The following ARVCF variants were observed in gnomAD, a reference collection of about 807,000 sequenced individuals.
ARVCF encodes splicing regulator ARVCF.
In ARVCF, 66 loss-of-function variants were observed where a neutral mutation model predicts 90.9. The ratio of observed to expected loss-of-function variants is 0.73; its 90% CI spans 0.60 to 0.89. ARVCF has a LOEUF of 0.89. Ranked by LOEUF, ARVCF falls within the 40% of genes least tolerant of loss-of-function variation. ARVCF has a pLI of 0.00. For missense variants in ARVCF, 1,469 were observed against 1,382.3 expected (o/e 1.06, Z -1.00); for synonymous variants, 653 against 603.4 (o/e 1.08, Z -1.21).
intron 3 of ARVCF, among the ~76,000 whole-genome samples, chr22:19,990,330 G>A (rs1170185380): frequency 1.3e-5 from 2 of 152,202 alleles, no homozygotes; most frequent in Non-Finnish European, 2.9e-5. Context: ...ACCCCATCCA[G>A]CTGCCTGGGC....
intron 1 of ARVCF, among the ~76,000 whole-genome samples, chr22:20,012,475 A>C (rs1022141295): frequency 6.6e-6 from 1 of 152,250 alleles, no homozygotes; most frequent in South Asian, 2.1e-4. Context: ...TGATAGGATC[A>C]TATGGGAAGG....
chr22:19,973,941 T>C lies in ARVCF; in HGVS notation c.2089-148A>G, dbSNP rs939093855. ...AGCTCAACGGCACCTCCACCGAGGT[T>C]TTCCCACCGTCCAGGGTGCACGCAT... On this transcript the variant is annotated intron_variant, in intron 12 of 19. Coordinates refer to ENST00000263207, the MANE Select transcript of ARVCF (RefSeq NM_001670.3). The C allele has an allele frequency of 9.5e-6, 14 of 1,477,226 alleles. No individual in the cohort carries two copies. In the Admixed American group the frequency reaches 1.9e-4, roughly 20 times the overall value. The allele number at this position is 1,477,226 out of a possible 1,614,324, so 91.5% of individuals were successfully genotyped here.
Position 19,978,958 on chromosome 22 carries a change from C to A in ARVCF, c.1519G>T (p.Asp507Tyr). The change falls in exon 7 of 20, where the codon GAC (aspartate) becomes TAC (tyrosine). Residue 507 changes from aspartate to tyrosine, a missense_variant. By Grantham distance (160) the Asp-to-Tyr change is radical. Coordinates refer to ENST00000263207, the MANE Select transcript of ARVCF (RefSeq NM_001670.3). ...HSGWEREPNEDSKPRDAEWTT... is the reference protein window; with the variant it reads ...HSGWEREPNEYSKPRDAEWTT... ...CACTCGGCGTCCCGTGGCTTGGAGT[C>A]CTCGTTGGGCTCACGCTCCCATCCT... 6.2e-7 allele frequency: 1 copy of A among 1,613,298 alleles called. No individual in the cohort carries two copies. Among genetic ancestry groups the A allele is most frequent in the Admixed American group, 1.7e-5 (1 of 60,018 alleles).
At chr22:20,008,716 G>A (rs543307820) in intron 2 of ARVCF, among the ~76,000 whole-genome samples, 12 of 152,328 alleles carry the variant, frequency 7.9e-5, no homozygotes, top group African/African-American at 2.9e-4. Flanking sequence ...CCGCAAGCCA[G>A]AGCCCAGGTT....
chr22:19,984,405 C>T (rs944635284), intron 3 of ARVCF, among the ~76,000 whole-genome samples: 2 of 152,140 alleles, frequency 1.3e-5, no homozygotes, highest in Non-Finnish European at 2.9e-5. Flanking sequence ...CACCCATCAG[C>T]CCCGGCCTAG....
chr22:19,982,314 G>A (rs1195603372), intron 3 of ARVCF, among the ~76,000 whole-genome samples: 5 of 152,188 alleles, frequency 3.3e-5, no homozygotes, highest in Admixed American at 6.5e-5. Context: ...ACCCTGCCCC[G>A]GCACCCCATC....
At chr22:19,967,354 C>T (rs145308916), downstream of ARVCF, 12 of 557,386 alleles carry the variant, frequency 2.2e-5, no homozygotes, top group Admixed American at 1.2e-4. Flanking sequence ...TCCCGGGTGG[C>T]GCTTTGTTCT....
At chr22:19,977,623 T>A in intron 8 of ARVCF, 37 bp from the exon 9 acceptor site, 2 of 1,493,954 alleles carry the variant, frequency 1.3e-6, no homozygotes, top group Non-Finnish European at 1.8e-6. Context: ...CAGGGCACCC[T>A]AGGCACAGGG....
downstream of ARVCF, chr22:19,967,225 G>C (rs1169902099): frequency 1.5e-6 from 2 of 1,304,060 alleles, no homozygotes; most frequent in Non-Finnish European, 2.0e-6. Flanking sequence ...GACCAGATTG[G>C]GCTCCTGAGT....
At chr22:19,976,565 C>T in intron 10 of ARVCF, 141 bp downstream of exon 10, 1 of 1,186,602 alleles carries the variant, frequency 8.4e-7, no homozygotes, top group Admixed American at 2.4e-5. Flanking sequence ...GTGGCCTTCC[C>T]ACCTGCCACT....
intron 19 of ARVCF, 107 bp from the exon 20 acceptor site, chr22:19,970,850 G>T: frequency 8.0e-7 from 1 of 1,252,520 alleles, no homozygotes; most frequent in Non-Finnish European, 1.0e-6. Context: ...GGATGGAGAT[G>T]TGGATAGAAG....
intron 2 of ARVCF, among the ~76,000 whole-genome samples, chr22:20,005,260 T>C (rs1285428237): frequency 6.6e-6 from 1 of 151,664 alleles, no homozygotes; most frequent in East Asian, 1.9e-4. Flanking sequence ...AAAGAAGATA[T>C]ATAAACGGCC....
chr22:19,970,292 G>T lies in ARVCF; in HGVS notation c.*464C>A, dbSNP rs1027119734. 1.0e-6 allele frequency: 1 copy of T among 995,318 alleles called. No individual in the cohort carries two copies. Among genetic ancestry groups the T allele is most frequent in the Non-Finnish European group, 1.2e-6 (1 of 835,590 alleles). The allele number at this position is 995,318 out of a possible 1,614,324, so 61.7% of individuals were successfully genotyped here. On this transcript the variant is annotated 3_prime_UTR_variant, in exon 20 of 20. Transcript: ENST00000263207. Reference sequence around the variant, plus strand: ...GGTCTGCCTGCCTGCAGGGTGCCCAGGGAGACCCTCCGCCTTTAGAAGTCC... The same window carrying T: ...GGTCTGCCTGCCTGCAGGGTGCCCATGGAGACCCTCCGCCTTTAGAAGTCC...
intron 1 of ARVCF, among the ~76,000 whole-genome samples, chr22:20,016,160 C>T (rs958964839): frequency 1.3e-5 from 2 of 152,170 alleles, no homozygotes; most frequent in Non-Finnish European, 2.9e-5. Flanking sequence ...CGCGCTGCCC[C>T]AGGAAAGTTC....
chr22:19,978,759 T>A, intron 7 of ARVCF, 138 bp downstream of exon 7: 1 of 1,081,570 alleles, frequency 9.2e-7, no homozygotes, highest in Non-Finnish European at 1.3e-6. Context: ...CCACTTCTCA[T>A]CCACAGGACT....
Position 19,970,396 on chromosome 22 carries a change from T to G in ARVCF, c.*360A>C. ...TGGCCCGCACCACTGGGGCACTGTG[T>G]TCCCAGGGGCACCCTCCTATCCCAC... On this transcript the variant is annotated 3_prime_UTR_variant, in exon 20 of 20. Transcript: ENST00000263207. 1 of 1,041,586 alleles carries G rather than the reference T, an allele frequency of 9.6e-7. No individual in the cohort carries two copies. Among genetic ancestry groups the G allele is most frequent in the South Asian group, 2.9e-5 (1 of 34,760 alleles). The allele number at this position is 1,041,586 out of a possible 1,614,324, so 64.5% of individuals were successfully genotyped here.
intron 3 of ARVCF, among the ~76,000 whole-genome samples, chr22:19,985,153 C>T (rs1054343210): frequency 1.3e-5 from 2 of 152,206 alleles, no homozygotes; most frequent in African/African-American, 2.4e-5. Context: ...GGGCTCTACC[C>T]TGAACACCCC....
intron 17 of ARVCF, 108 bp downstream of exon 17, chr22:19,972,250 A>C (rs757443161): frequency 2.0e-5 from 29 of 1,471,788 alleles, no homozygotes; most frequent in East Asian, 1.8e-4. Context: ...TAAACCAAAT[A>C]TCTCTCCTCC....
In ARVCF at chr22:19,971,159, A is replaced by G. The variant is rs943457958; in HGVS notation, c.*12+57T>C. 8.4e-6 allele frequency: 13 copies of G among 1,550,518 alleles called. No individual in the cohort carries two copies. In the Admixed American group the frequency reaches 2.2e-4, roughly 26 times the overall value. On this transcript the variant is annotated intron_variant, in intron 19 of 19. Coordinates refer to ENST00000263207, the MANE Select transcript of ARVCF (RefSeq NM_001670.3). Reference sequence around the variant, plus strand: ...CGTGCAGGCAGCGGAGACTAACAAGAAGCCCTGGCCCAGAGGGCAGGAACA... The same window carrying G: ...CGTGCAGGCAGCGGAGACTAACAAGGAGCCCTGGCCCAGAGGGCAGGAACA...
Sources: allele counts gnomAD v4.1 joint callset (sites outside exome capture counted in the v4.1 genomes callset), GRCh38; gene constraint gnomAD v4.1.1; transcripts MANE v1.5; gene names NCBI Gene and HGNC (gene_info 2026-07-23, HGNC 2026-07-21).